COL28A1: variants seen among roughly 807,000 people sequenced by gnomAD.
COL28A1 encodes the protein collagen alpha-1(XXVIII) chain.
Under a neutral mutation model 150.2 loss-of-function variants are expected in COL28A1, and 161 were observed. The observed-to-expected ratio is 1.07, with a 90% confidence interval of 0.94 to 1.22. The LOEUF is 1.22. Among genes scored for constraint, COL28A1 ranks in the 50% most tolerant of loss-of-function variants. COL28A1 has a pLI of 0.00. For missense variants in COL28A1, 1,617 were observed against 1,388.3 expected (o/e 1.16, Z -2.62); for synonymous variants, 552 against 469.7 (o/e 1.18, Z -2.26).
intron 25 of COL28A1, among the ~76,000 whole-genome samples, chr7:7,425,343 T>C (rs945171140): frequency 7.9e-5 from 12 of 152,198 alleles, no homozygotes; most frequent in Non-Finnish European, 1.3e-4. Flanking sequence ...AGCTGTCATT[T>C]AATGCAAAGA....
intron 2 of COL28A1, 145 bp from the exon 3 acceptor site, chr7:7,532,049 G>A: frequency 3.8e-6 from 2 of 526,700 alleles, no homozygotes; most frequent in South Asian, 3.4e-5. Context: ...TTGGACAGAA[G>A]GCTTCAATTG....
intron 1 of COL28A1, among the ~76,000 whole-genome samples, chr7:7,535,264 T>C (rs1218085357): frequency 6.6e-6 from 1 of 152,148 alleles, no homozygotes; most frequent in Non-Finnish European, 1.5e-5. Context: ...TCAGGATCAG[T>C]AAATAAATCC....
intron 11 of COL28A1, among the ~76,000 whole-genome samples, chr7:7,491,212 T>C (rs1779895867): frequency 1.3e-5 from 2 of 152,194 alleles, no homozygotes; most frequent in African/African-American, 4.8e-5. Flanking sequence ...GGATGAATGA[T>C]CATTGGCCTA....
chr7:7,414,054 G>A (rs1562582286), intron 27 of COL28A1, among the ~76,000 whole-genome samples: 1 of 152,142 alleles, frequency 6.6e-6, no homozygotes, highest in South Asian at 2.1e-4. Context: ...GGGGAAACTG[G>A]CATAACTCCC....
intron 27 of COL28A1, among the ~76,000 whole-genome samples, chr7:7,404,707 G>T (rs1249782216): frequency 1.3e-5 from 2 of 151,914 alleles, no homozygotes; most frequent in Non-Finnish European, 2.9e-5. Flanking sequence ...TCCTTGATTT[G>T]CCATAGCAGT....
At chr7:7,396,890 G>T (rs1014022798) in intron 27 of COL28A1, among the ~76,000 whole-genome samples, 4 of 152,124 alleles carry the variant, frequency 2.6e-5, no homozygotes, top group African/African-American at 7.2e-5. Flanking sequence ...TGCACCATTT[G>T]TACCTCTTCC....
intron 27 of COL28A1, among the ~76,000 whole-genome samples, chr7:7,403,693 G>A (rs1783343291): frequency 6.6e-6 from 1 of 152,158 alleles, no homozygotes; most frequent in Admixed American, 6.5e-5. Context: ...AGAAAGGATG[G>A]ATTCCACCAT....
chr7:7,355,958 C>T (rs940349212), downstream of COL28A1, among the ~76,000 whole-genome samples: 2 of 152,004 alleles, frequency 1.3e-5, no homozygotes, highest in African/African-American at 4.8e-5. Flanking sequence ...ATAGATGAGG[C>T]ATATTGTGGT....
At chr7:7,479,892 A>G (rs1789248639) in intron 13 of COL28A1, among the ~76,000 whole-genome samples, 1 of 152,244 alleles carries the variant, frequency 6.6e-6, no homozygotes, top group East Asian at 1.9e-4. Context: ...CTTGGCCAGA[A>G]GGTAAAAAAG....
chr7:7,434,043 A>G (rs1233105137), intron 23 of COL28A1, among the ~76,000 whole-genome samples: 1 of 152,240 alleles, frequency 6.6e-6, no homozygotes, highest in Non-Finnish European at 1.5e-5. Context: ...GACTGGGAAC[A>G]GGGGAAAATT....
chr7:7,408,098 C>T (rs535827827), intron 27 of COL28A1, among the ~76,000 whole-genome samples: 4 of 152,012 alleles, frequency 2.6e-5, no homozygotes, highest in African/African-American at 7.2e-5. Flanking sequence ...CATTTTAATA[C>T]TGTTTGTTCT....
chr7:7,388,879 G>A (rs368974857), intron 27 of COL28A1, among the ~76,000 whole-genome samples: 4 of 152,060 alleles, frequency 2.6e-5, no homozygotes, highest in Admixed American at 2.6e-4. Context: ...TAAGTTCTTT[G>A]TAGATTCTGG....
chr7:7,473,930 T>C (rs1788652313), intron 15 of COL28A1, among the ~76,000 whole-genome samples: 2 of 149,660 alleles, frequency 1.3e-5, no homozygotes, highest in Non-Finnish European at 3.0e-5. Flanking sequence ...ATATATATGA[T>C]GGAATATATA....
chr7:7,446,946 G>C (rs1786308536), intron 18 of COL28A1, among the ~76,000 whole-genome samples: 1 of 152,158 alleles, frequency 6.6e-6, no homozygotes. Context: ...CTCAGTACAT[G>C]TGTGTGAAGA....
chr7:7,531,445 T>C lies in COL28A1; in HGVS notation c.584A>G (p.Asn195Ser), dbSNP rs1343548085. Reference protein sequence around the residue: ...FITIALSTVVNEAKLRLISGD... With the variant: ...FITIALSTVVSEAKLRLISGD... ...AGAAATCAAACGAAGTTTGGCTTCA[T>C]TGACTACCGTAGAAAGTGCAATGGT... The change falls in exon 3 of 35, where the codon AAT becomes AGT. Residue 195 changes from asparagine (N) to serine (S), a missense_variant. Transcript: ENST00000399429. 2 of 1,600,350 alleles carry C rather than the reference T, an allele frequency of 1.2e-6. No individual in the cohort carries two copies. Among genetic ancestry groups the C allele is most frequent in the Non-Finnish European group, 8.6e-7 (1 of 1,167,932 alleles).
At chr7:7,506,705 T>C (rs1016522644) in intron 10 of COL28A1, among the ~76,000 whole-genome samples, 2 of 152,234 alleles carry the variant, frequency 1.3e-5, no homozygotes, top group Non-Finnish European at 2.9e-5. Context: ...TAGAACATTA[T>C]CTAGTTATAG....
chr7:7,437,387 T>C lies in COL28A1; in HGVS notation c.1791+7A>G. 6.2e-7 allele frequency: 1 copy of C among 1,611,200 alleles called. No individual in the cohort carries two copies. Among genetic ancestry groups the C allele is most frequent in the Non-Finnish European group, 8.5e-7 (1 of 1,179,178 alleles). On this transcript the variant is annotated splice_region_variant and intron_variant, in intron 22 of 34. Coordinates refer to ENST00000399429, the MANE Select transcript of COL28A1 (RefSeq NM_001037763.3). The stretch of plus-strand genomic sequence containing the variant: ...AGAAAAAGAAAATAATCTCCAAGAA[T>C]ATATACCTTTGGCCCAGGTGGTCCA...
At chr7:7,471,575 T>A (rs1788434738) in intron 15 of COL28A1, among the ~76,000 whole-genome samples, 1 of 152,054 alleles carries the variant, frequency 6.6e-6, no homozygotes, top group Non-Finnish European at 1.5e-5. Context: ...CATACGCAAG[T>A]CAATAAATGT....
intron 27 of COL28A1, among the ~76,000 whole-genome samples, chr7:7,388,472 T>C (rs538392198): frequency 6.6e-6 from 1 of 152,240 alleles, no homozygotes; most frequent in South Asian, 2.1e-4. Context: ...GATAAACATG[T>C]GGGTGCATGT....
Sources: gnomAD v4.1 joint callset for allele counts (sites outside exome capture counted in the v4.1 genomes callset) on GRCh38, gnomAD v4.1.1 for gene constraint, MANE v1.5 for transcripts, NCBI Gene and HGNC (gene_info 2026-07-23, HGNC 2026-07-21) for gene names.